CIT: variants seen among roughly 807,000 people sequenced by gnomAD.
The protein encoded by CIT is citron rho-interacting serine/threonine kinase.
CIT carries 79 observed loss-of-function variants against 272.7 expected under a neutral mutation model. That is an observed-to-expected ratio of 0.29 (90% CI 0.24 to 0.35). CIT has a LOEUF of 0.35. Ranked by LOEUF, CIT falls within the 10% of genes least tolerant of loss-of-function variation. CIT has a pLI of 1.00. For missense variants in CIT, 1,909 were observed against 2,618.3 expected, an observed-to-expected ratio of 0.73 and a Z score of 5.91; for synonymous variants, 948 against 995.6, an observed-to-expected ratio of 0.95 and a Z score of 0.90.
chr12:119,733,506 C>A (rs1958583505), intron 26 of CIT, among the ~76,000 whole-genome samples: 1 of 149,794 alleles, frequency 6.7e-6, no homozygotes. Context: ...TGCACTCCAG[C>A]CTGGGTGACA....
At chr12:119,707,185 T>TAC (rs1956919210) in intron 40 of CIT, among the ~76,000 whole-genome samples, 1 of 152,168 alleles carries the variant, frequency 6.6e-6, no homozygotes, top group African/African-American at 2.4e-5. Context: ...ACAGCAGACA[T>TAC]ACACACGCAC....
At chr12:119,794,904 C>G (rs377422395) in intron 10 of CIT, among the ~76,000 whole-genome samples, 2 of 152,222 alleles carry the variant, frequency 1.3e-5, no homozygotes, top group East Asian at 3.8e-4. Context: ...GATAGGCGAC[C>G]TTACACCTTC....
chr12:119,825,690 A>G (rs989991272), intron 7 of CIT, among the ~76,000 whole-genome samples: 1 of 152,266 alleles, frequency 6.6e-6, no homozygotes, highest in African/African-American at 2.4e-5. Context: ...AGTTATTGAC[A>G]TGATGGAACT....
At chr12:119,857,966 A>G (rs1187209054) in intron 3 of CIT, among the ~76,000 whole-genome samples, 1 of 152,188 alleles carries the variant, frequency 6.6e-6, no homozygotes, top group African/African-American at 2.4e-5. Context: ...ATAGGGAGAG[A>G]GGATACAAAT....
intron 23 of CIT, among the ~76,000 whole-genome samples, chr12:119,748,383 G>C (rs1271481094): frequency 6.6e-6 from 1 of 152,224 alleles, no homozygotes; most frequent in Non-Finnish European, 1.5e-5. Context: ...CTACAATGTA[G>C]CCTTGAGGGA....
chr12:119,705,863 G>A (rs1297034116), intron 40 of CIT, among the ~76,000 whole-genome samples: 7 of 151,700 alleles, frequency 4.6e-5, no homozygotes, highest in Non-Finnish European at 8.8e-5. Context: ...GCCAAGGTGG[G>A]TGGATCACTT....
Position 119,712,565 on chromosome 12 carries a change from G to A in CIT, c.4684+26C>T, listed in dbSNP as rs1334215764. On this transcript the variant is annotated intron_variant, in intron 36 of 47. Coordinates refer to ENST00000392521, the MANE Select transcript of CIT (RefSeq NM_001206999.2). This position sits in a 1 kb window ranked among gnomAD's most constrained non-coding sequence, Gnocchi z 5.2. The stretch of plus-strand genomic sequence containing the variant: ...TGGCCAAGCCCGGCCCACCTCCAGG[G>A]CGGGGCTCCTCCGGCTCCTCCTCAC... The A allele has an allele frequency of 1.8e-5, 29 of 1,606,084 alleles. No individual in the cohort carries two copies. Among genetic ancestry groups the A allele is most frequent in the Non-Finnish European group, 2.4e-5 (28 of 1,172,892 alleles).
intron 7 of CIT, among the ~76,000 whole-genome samples, chr12:119,827,987 C>G (rs1968308298): frequency 6.6e-6 from 1 of 152,132 alleles, no homozygotes; most frequent in African/African-American, 2.4e-5. Flanking sequence ...GTCACTTGTT[C>G]ACAACCAAAG....
chr12:119,809,752 G>A (rs1372622764), intron 9 of CIT, among the ~76,000 whole-genome samples: 1 of 152,212 alleles, frequency 6.6e-6, no homozygotes, highest in African/African-American at 2.4e-5. Flanking sequence ...GCTACAGAAG[G>A]ATCTGAACAA....
chr12:119,790,025 T>G (rs1336057256), intron 10 of CIT, among the ~76,000 whole-genome samples: 5 of 152,046 alleles, frequency 3.3e-5, no homozygotes, highest in African/African-American at 1.2e-4. Flanking sequence ...GTTTTCTTTT[T>G]CTAAGATTTT....
chr12:119,863,807 G>A (rs1158672087), intron 3 of CIT, among the ~76,000 whole-genome samples: 1 of 151,166 alleles, frequency 6.6e-6, no homozygotes, highest in Non-Finnish European at 1.5e-5. Context: ...TAGGATTACA[G>A]GCATGAGCCA....
At chr12:119,704,535 G>T in intron 40 of CIT, 80 bp from the exon 41 acceptor site, 1 of 1,231,310 alleles carries the variant, frequency 8.1e-7, no homozygotes, top group Non-Finnish European at 1.2e-6. Context: ...AAGCTCTCAG[G>T]CTCAGCGCCA....
chr12:119,703,331 C>G (rs1470933757), intron 41 of CIT, among the ~76,000 whole-genome samples: 1 of 151,852 alleles, frequency 6.6e-6, no homozygotes, highest in Admixed American at 6.6e-5. Context: ...ACCCAATGAA[C>G]ACACCAACTA....
At chr12:119,762,668 A>T (rs1242949185) in intron 19 of CIT, among the ~76,000 whole-genome samples, 4 of 152,230 alleles carry the variant, frequency 2.6e-5, no homozygotes, top group Non-Finnish European at 4.4e-5. Context: ...TGCTCAAAAT[A>T]AGACCTCAAC....
At chr12:119,726,011 C>CGTGTGT (rs3999591) in intron 28 of CIT, among the ~76,000 whole-genome samples, 43 of 149,904 alleles carry the variant, frequency 2.9e-4, no homozygotes, top group African/African-American at 5.7e-4. Context: ...ACCAAATATA[C>CGTGTGT]GTGTGTGTGT....
intron 47 of CIT, among the ~76,000 whole-genome samples, chr12:119,689,526 G>A (rs561394190): frequency 1.4e-4 from 21 of 152,022 alleles, no homozygotes; most frequent in Non-Finnish European, 2.5e-4. Context: ...TTGCTGGTAC[G>A]CACAGAATAT....
intron 9 of CIT, among the ~76,000 whole-genome samples, chr12:119,807,107 C>G (rs1184015138): frequency 1.3e-5 from 2 of 152,202 alleles, no homozygotes; most frequent in Admixed American, 6.5e-5. Flanking sequence ...ATCTCAGGCC[C>G]TGCCCCATAC....
intron 10 of CIT, among the ~76,000 whole-genome samples, chr12:119,790,984 T>C (rs1965259505): frequency 6.6e-6 from 1 of 152,196 alleles, no homozygotes; most frequent in Non-Finnish European, 1.5e-5. Context: ...TGTTTAGTGC[T>C]TCATGGGTTA....
rs1955668751 is a variant in CIT, at chr12:119,687,955, T to C, written c.*277A>G. The C allele has an allele frequency of 1.9e-6, 1 of 517,568 alleles. No homozygotes were observed. The highest frequency in any genetic ancestry group is 1.9e-5 in the African/African-American group (1 of 51,910). 32.1% of individuals were successfully genotyped at this position (517,568 alleles called of 1,614,324 possible). ...CTAACTGGTACAGGCTAGAGCTAGG[T>C]ACAAAAGTTTGTGAATGCTTTGAAA... On this transcript the variant is annotated 3_prime_UTR_variant, in exon 48 of 48. Coordinates refer to ENST00000392521, the MANE Select transcript of CIT (RefSeq NM_001206999.2).
Sources: gnomAD v4.1 joint callset for allele counts (sites outside exome capture counted in the v4.1 genomes callset) on GRCh38, gnomAD v4.1.1 for gene constraint, Gnocchi (gnomAD v3.1) non-coding constraint, MANE v1.5 for transcripts, NCBI Gene and HGNC (gene_info 2026-07-23, HGNC 2026-07-21) for gene names.